The following CTNND2 variants were observed in gnomAD, a reference collection of about 807,000 sequenced individuals.
The protein encoded by CTNND2 is catenin delta 2, also known as catenin delta-2.
Under a neutral mutation model 144.4 loss-of-function variants are expected in CTNND2, and 22 were observed. That is an observed-to-expected ratio of 0.15 (90% CI 0.11 to 0.22). The LOEUF (loss-of-function observed/expected upper bound fraction) is 0.22. CTNND2 is among the 10% of genes least tolerant of loss of function. The pLI, the probability that CTNND2 is intolerant of heterozygous loss-of-function variation, is 1.00. For synonymous variants in CTNND2, 751 were observed against 695.6 expected, an observed-to-expected ratio of 1.08 and a Z score of -1.25; for missense variants, 1,353 against 1,618.8, an observed-to-expected ratio of 0.84 and a Z score of 2.82.
chr5:11,191,801 C>T (rs75445882), intron 11 of CTNND2, among the ~76,000 whole-genome samples: 2 of 152,304 alleles, frequency 1.3e-5, no homozygotes, highest in Non-Finnish European at 2.9e-5. Flanking sequence ...GTGTATCACT[C>T]ATGTGGCAGA....
intron 9 of CTNND2, among the ~76,000 whole-genome samples, chr5:11,345,417 C>T (rs965246822): frequency 1.3e-5 from 2 of 152,172 alleles, no homozygotes; most frequent in South Asian, 2.1e-4. Flanking sequence ...GCTATCTCAA[C>T]GTAAACCATA....
At chr5:11,289,820 A>G (rs1010210084) in intron 9 of CTNND2, among the ~76,000 whole-genome samples, 3 of 152,168 alleles carry the variant, frequency 2.0e-5, no homozygotes, top group African/African-American at 7.2e-5. Flanking sequence ...GTTCCTCACT[A>G]TTAACCACCA....
intron 16 of CTNND2, among the ~76,000 whole-genome samples, chr5:11,077,509 T>C (rs1384865500): frequency 6.6e-6 from 1 of 152,192 alleles, no homozygotes; most frequent in Non-Finnish European, 1.5e-5. Context: ...AGTCAACCAG[T>C]GGCCTCAGAA....
At chr5:11,844,581 A>G (rs1419821079) in intron 1 of CTNND2, among the ~76,000 whole-genome samples, 2 of 152,180 alleles carry the variant, frequency 1.3e-5, no homozygotes, top group Non-Finnish European at 2.9e-5. Flanking sequence ...TGGCATTAGT[A>G]TTACAAAAAG....
intron 9 of CTNND2, among the ~76,000 whole-genome samples, chr5:11,328,612 T>A (rs1752772012): frequency 6.6e-6 from 1 of 152,164 alleles, no homozygotes; most frequent in South Asian, 2.1e-4. Flanking sequence ...AATCCAAAAT[T>A]CATCTTCAGA....
intron 7 of CTNND2, among the ~76,000 whole-genome samples, chr5:11,367,051 A>AG (rs1193860198): frequency 6.6e-6 from 1 of 152,242 alleles, no homozygotes; most frequent in Non-Finnish European, 1.5e-5. Context: ...CTATCTGAAT[A>AG]GGATACTATA....
At chr5:11,181,496 C>T (rs1384392712) in intron 11 of CTNND2, among the ~76,000 whole-genome samples, 2 of 152,132 alleles carry the variant, frequency 1.3e-5, no homozygotes, top group Non-Finnish European at 2.9e-5. Flanking sequence ...GAACTGCAAG[C>T]TCTAAAAGCA....
intron 2 of CTNND2, among the ~76,000 whole-genome samples, chr5:11,718,175 C>G (rs532184741): frequency 1.3e-5 from 2 of 152,126 alleles, no homozygotes; most frequent in African/African-American, 2.4e-5. Context: ...CCAGGCACTA[C>G]GACAGGCCCT....
chr5:11,198,570 G>A (rs16901395), intron 11 of CTNND2, among the ~76,000 whole-genome samples: 16,010 of 152,244 alleles, frequency 0.11, 949 homozygotes, highest in South Asian at 0.18. Context: ...GAAGGTCGAC[G>A]GAATCACAGA....
intron 1 of CTNND2, among the ~76,000 whole-genome samples, chr5:11,742,826 T>C (rs1788090634): frequency 6.6e-6 from 1 of 152,246 alleles, no homozygotes; most frequent in African/African-American, 2.4e-5. Flanking sequence ...TTTTTATGCA[T>C]ATTAGGGTAC....
intron 15 of CTNND2, among the ~76,000 whole-genome samples, chr5:11,087,672 A>T (rs1273074371): frequency 6.6e-6 from 1 of 151,432 alleles, no homozygotes; most frequent in Admixed American, 6.6e-5. Context: ...GAAGAATTCC[A>T]TTCTGTTAGT....
chr5:11,588,761 G>A (rs949610522), intron 2 of CTNND2: 1 of 985,056 alleles, frequency 1.0e-6, no homozygotes, highest in South Asian at 4.7e-5. Flanking sequence ...GAAATAAATG[G>A]TCCTTAAATA....
At chr5:11,058,842 G>T (rs1454927809) in intron 16 of CTNND2, among the ~76,000 whole-genome samples, 1 of 152,196 alleles carries the variant, frequency 6.6e-6, no homozygotes, top group Non-Finnish European at 1.5e-5. Context: ...GGATGACCTG[G>T]ATGTTAGACA....
chr5:11,761,942 A>G (rs986879383), intron 1 of CTNND2, among the ~76,000 whole-genome samples: 1 of 152,226 alleles, frequency 6.6e-6, no homozygotes, highest in Non-Finnish European at 1.5e-5. Context: ...TGGAAATTGA[A>G]AAATGAAAGG....
At chr5:11,095,945 TA>T (rs1230224722) in intron 15 of CTNND2, among the ~76,000 whole-genome samples, 4 of 152,110 alleles carry the variant, frequency 2.6e-5, no homozygotes, top group African/African-American at 9.7e-5. Flanking sequence ...TTTTTTAAAA[TA>T]TTTTTTTCTG....
chr5:11,083,166 G>A (rs1373828164), intron 15 of CTNND2, among the ~76,000 whole-genome samples: 2 of 152,176 alleles, frequency 1.3e-5, no homozygotes, highest in Non-Finnish European at 2.9e-5. Context: ...AGAGGTTTGG[G>A]ACAAGCGGAT....
intron 2 of CTNND2, among the ~76,000 whole-genome samples, chr5:11,723,673 C>T (rs1270891413): frequency 3.3e-5 from 5 of 152,202 alleles, no homozygotes; most frequent in Admixed American, 3.3e-4. Context: ...CCATGGCTGG[C>T]ACTGCTCCAA....
intron 5 of CTNND2, among the ~76,000 whole-genome samples, chr5:11,407,243 G>A (rs1017343706): frequency 5.3e-5 from 8 of 152,112 alleles, no homozygotes; most frequent in African/African-American, 1.2e-4. Flanking sequence ...CCACTGAAGC[G>A]ACAGCAGTCT....
intron 16 of CTNND2, among the ~76,000 whole-genome samples, chr5:11,045,297 C>T (rs894647680): frequency 6.6e-6 from 1 of 152,070 alleles, no homozygotes; most frequent in Non-Finnish European, 1.5e-5. Context: ...CTTCAGAAAG[C>T]TTCCACCCAC....
Sources: gnomAD v4.1 joint callset for allele counts (sites outside exome capture counted in the v4.1 genomes callset) on GRCh38, gnomAD v4.1.1 for gene constraint, MANE v1.5 for transcripts, NCBI Gene and HGNC (gene_info 2026-07-23, HGNC 2026-07-21) for gene names.